The following SAMD12 variants were observed in gnomAD, a reference collection of about 807,000 sequenced individuals.
SAMD12 encodes the protein sterile alpha motif domain-containing protein 12.
A neutral mutation model predicts 15.0 loss-of-function variants in SAMD12; 9 were observed. That is an observed-to-expected ratio of 0.60 (90% confidence interval 0.36 to 1.05). SAMD12 has a LOEUF of 1.05. Among genes scored for constraint, SAMD12 ranks in the 50% least tolerant of loss-of-function variants. SAMD12 has a pLI of 0.01. For synonymous variants in SAMD12, 86 were observed against 90.1 expected (o/e 0.96, Z 0.25); for missense variants, 230 against 234.2 (o/e 0.98, Z 0.12).
At chr8:118,303,258 T>G (rs1815142545) in intron 4 of SAMD12, among the ~76,000 whole-genome samples, 2 of 152,200 alleles carry the variant, frequency 1.3e-5, no homozygotes, top group Admixed American at 6.5e-5. Flanking sequence ...GTTGTGCCAA[T>G]TTCATGTCAG....
At chr8:118,466,376 C>G (rs2130950722) in intron 2 of SAMD12, among the ~76,000 whole-genome samples, 1 of 152,298 alleles carries the variant, frequency 6.6e-6, no homozygotes, top group South Asian at 2.1e-4. Flanking sequence ...AACCACAACT[C>G]TATGAAATAA....
intron 2 of SAMD12, among the ~76,000 whole-genome samples, chr8:118,514,949 C>T (rs1825191456): frequency 6.6e-6 from 1 of 152,132 alleles, no homozygotes; most frequent in African/African-American, 2.4e-5. Flanking sequence ...AACAAACTTC[C>T]CCTTTGCTGT....
intron 3 of SAMD12, among the ~76,000 whole-genome samples, chr8:118,425,773 T>C (rs13253470): frequency 0.61 from 92,077 of 151,962 alleles, 28,648 homozygotes; most frequent in Admixed American, 0.68. Context: ...GATCAAGTCC[T>C]TTGCTATAAA....
Position 118,432,057 on chromosome 8 carries a change from C to T in SAMD12, c.322+7775G>A, listed in dbSNP as rs377604997. Reference sequence around the variant, plus strand: ...TGATCCCCTTGAAGGCACTCTTACTCGCTATCACAGTGTTTTTTATTTCTA... The same window carrying T: ...TGATCCCCTTGAAGGCACTCTTACTTGCTATCACAGTGTTTTTTATTTCTA... On this transcript the variant is annotated intron_variant, in intron 3 of 3. Coordinates refer to ENST00000314727, the MANE Select transcript of SAMD12 (RefSeq NM_207506.3). 7.2e-4 allele frequency among the ~76,000 whole-genome samples: 110 copies of T among 152,226 alleles called. No homozygotes were observed. In the Middle Eastern group the frequency reaches 0.024, roughly 33 times the overall value.
intron 3 of SAMD12, among the ~76,000 whole-genome samples, chr8:118,382,960 A>T (rs1021326652): frequency 6.6e-6 from 1 of 152,080 alleles, no homozygotes; most frequent in African/African-American, 2.4e-5. Context: ...GTTCTGGAAA[A>T]TTTTTGTAAT....
intron 2 of SAMD12, among the ~76,000 whole-genome samples, chr8:118,440,640 G>A (rs1822713775): frequency 1.4e-5 from 2 of 142,470 alleles, no homozygotes; most frequent in Non-Finnish European, 3.0e-5. Context: ...ATCTTTCAGG[G>A]AAGTATTTAT....
intron 2 of SAMD12, among the ~76,000 whole-genome samples, chr8:118,536,443 A>ACACAC (rs1825845940): frequency 7.8e-5 from 11 of 140,776 alleles, no homozygotes; most frequent in African/African-American, 1.1e-4. Context: ...CTGATACACA[A>ACACAC]ACACACACAC....
At chr8:118,411,888 C>T (rs933870241) in intron 3 of SAMD12, among the ~76,000 whole-genome samples, 6 of 152,150 alleles carry the variant, frequency 3.9e-5, no homozygotes, top group African/African-American at 1.4e-4. Flanking sequence ...AACAAGTCTA[C>T]AACAAGAGTT....
intron 2 of SAMD12, among the ~76,000 whole-genome samples, chr8:118,486,381 A>C (rs527311651): frequency 2.1e-4 from 32 of 151,644 alleles, no homozygotes; most frequent in Admixed American, 4.6e-4. Context: ...GCGCCACTGC[A>C]CTCCAGCCTG....
chr8:118,458,051 A>G (rs1586733332), intron 2 of SAMD12, among the ~76,000 whole-genome samples: 1 of 152,342 alleles, frequency 6.6e-6, no homozygotes, highest in African/African-American at 2.4e-5. Context: ...TTAACAAACC[A>G]GAAGCAGAAA....
intron 2 of SAMD12, among the ~76,000 whole-genome samples, chr8:118,564,317 A>G (rs1163268125): frequency 2.0e-5 from 3 of 151,940 alleles, no homozygotes; most frequent in African/African-American, 7.3e-5. Flanking sequence ...CTGAGTACCC[A>G]GCAATACATG....
At chr8:118,559,405 C>T (rs986150277) in intron 2 of SAMD12, among the ~76,000 whole-genome samples, 1 of 152,228 alleles carries the variant, frequency 6.6e-6, no homozygotes, top group Non-Finnish European at 1.5e-5. Flanking sequence ...TATCAGCCCT[C>T]TAGCAAGGGC....
chr8:118,282,402 C>G (rs560699260), intron 4 of SAMD12: 1 of 454,816 alleles, frequency 2.2e-6, no homozygotes, highest in Non-Finnish European at 4.4e-6. Context: ...GCTCCAGCAC[C>G]TGCCTATTCC....
intron 4 of SAMD12, among the ~76,000 whole-genome samples, chr8:118,353,235 T>G (rs1378451890): frequency 6.7e-6 from 1 of 150,006 alleles, no homozygotes; most frequent in Admixed American, 6.7e-5. Context: ...CTCATACCAT[T>G]ATATGGTTTT....
intron 2 of SAMD12, among the ~76,000 whole-genome samples, chr8:118,560,499 A>T (rs1826672232): frequency 6.6e-6 from 1 of 152,170 alleles, no homozygotes; most frequent in Non-Finnish European, 1.5e-5. Flanking sequence ...GGAGGAAAAA[A>T]GCTCTGAAAT....
intron 1 of SAMD12, among the ~76,000 whole-genome samples, chr8:118,589,655 C>T (rs940239066): frequency 5.3e-5 from 8 of 152,262 alleles, no homozygotes; most frequent in African/African-American, 1.4e-4. Context: ...ATGCTTTAGA[C>T]AAGGGATTCA....
chr8:118,579,964 A>G (rs564142734), intron 2 of SAMD12, among the ~76,000 whole-genome samples: 2 of 152,294 alleles, frequency 1.3e-5, no homozygotes, highest in South Asian at 2.1e-4. Context: ...TTACTAAAAA[A>G]TTACCTACCC....
chr8:118,154,312 A>G, the SAMD12 span, among the ~76,000 whole-genome samples: 34 of 152,126 alleles, frequency 2.2e-4, no homozygotes, highest in African/African-American at 7.9e-4. Flanking sequence ...CATGCCACCC[A>G]CTTCAATAGA....
the SAMD12 span, among the ~76,000 whole-genome samples, chr8:118,138,437 C>T: frequency 3.3e-4 from 50 of 152,118 alleles, no homozygotes. Context: ...GGGATTAGTG[C>T]CCTTATAAAG....
Sources: gnomAD v4.1 joint callset for allele counts (sites outside exome capture counted in the v4.1 genomes callset) on GRCh38, gnomAD v4.1.1 for gene constraint, MANE v1.5 for transcripts, NCBI Gene and HGNC (gene_info 2026-07-23, HGNC 2026-07-21) for gene names.